The following KLHL2 variants were observed in gnomAD, a reference collection of about 807,000 sequenced individuals.
The protein encoded by KLHL2 is kelch like family member 2, also known as kelch-like protein 2.
KLHL2 carries 15 observed loss-of-function variants against 75.8 expected under a neutral mutation model. That is an observed-to-expected ratio of 0.20 (90% CI 0.13 to 0.30). The LOEUF is 0.30. KLHL2 is among the 10% of genes least tolerant of loss of function. KLHL2 has a pLI of 1.00. For missense variants in KLHL2, 381 were observed against 741.0 expected (o/e 0.51, Z 5.64); for synonymous variants, 214 against 251.9 (o/e 0.85, Z 1.42).
At chr4:165,261,224 G>A (rs11733838) in intron 4 of KLHL2, among the ~76,000 whole-genome samples, 13,414 of 152,156 alleles carry the variant, frequency 0.088, 1,252 homozygotes, top group African/African-American at 0.24. Flanking sequence ...CCTGCAATTT[G>A]AAAATTATCA....
At chr4:165,210,894 G>T (rs1737156871) in intron 1 of KLHL2, among the ~76,000 whole-genome samples, 1 of 152,104 alleles carries the variant, frequency 6.6e-6, no homozygotes. Flanking sequence ...CTTGGCACTT[G>T]TTTTTTTACT....
chr4:165,313,826 G>T (rs1746396162), intron 12 of KLHL2, among the ~76,000 whole-genome samples, 200 bp from the exon 13 acceptor site: 1 of 151,980 alleles, frequency 6.6e-6, no homozygotes, highest in African/African-American at 2.4e-5. Context: ...TCTTTTTTCA[G>T]AATAATAGTT....
intron 5 of KLHL2, among the ~76,000 whole-genome samples, chr4:165,282,593 T>G (rs1220839507): frequency 6.6e-6 from 1 of 152,116 alleles, no homozygotes; most frequent in Non-Finnish European, 1.5e-5. Context: ...AGGGTGATGA[T>G]GAAGACCCCA....
intron 3 of KLHL2, among the ~76,000 whole-genome samples, chr4:165,236,386 C>G (rs1210951456): frequency 6.6e-6 from 1 of 151,870 alleles, no homozygotes; most frequent in African/African-American, 2.4e-5. Flanking sequence ...AGTTTTTTTT[C>G]TGTTTGTTTT....
intron 3 of KLHL2, among the ~76,000 whole-genome samples, chr4:165,234,078 C>A (rs747476438): frequency 3.9e-5 from 6 of 152,214 alleles, no homozygotes; most frequent in Non-Finnish European, 7.3e-5. Context: ...AGCTAAGAAA[C>A]CTTTCTCAGA....
chr4:165,276,985 A>C (rs1269346415), intron 5 of KLHL2, among the ~76,000 whole-genome samples: 1 of 152,196 alleles, frequency 6.6e-6, no homozygotes, highest in Non-Finnish European at 1.5e-5. Flanking sequence ...TAAGAAATAT[A>C]GTTGAAGTCA....
intron 5 of KLHL2, among the ~76,000 whole-genome samples, chr4:165,263,608 G>GTT (rs199576096): frequency 2.0e-4 from 28 of 142,058 alleles, no homozygotes; most frequent in South Asian, 6.7e-4. Flanking sequence ...AGGTTTTTTT[G>GTT]TTTTTTTTTT....
intron 2 of KLHL2, among the ~76,000 whole-genome samples, chr4:165,226,723 T>A (rs1738466764): frequency 6.6e-6 from 1 of 152,072 alleles, no homozygotes; most frequent in Non-Finnish European, 1.5e-5. Context: ...ATATATTATG[T>A]CAAAAAATAA....
At position 165,263,505 on chromosome 4, in the gene KLHL2, A is replaced by G. The variant is rs900684267; in HGVS notation, c.544+146A>G. The G allele has an allele frequency of 8.4e-6, 9 of 1,077,044 alleles. No homozygotes were observed. The Admixed American group carries it at 8.7e-5, about 10-fold the overall frequency. The allele number at this position is 1,077,044 out of a possible 1,614,324, so 66.7% of individuals were successfully genotyped here. On this transcript the variant is annotated intron_variant, in intron 5 of 14. Transcript: ENST00000226725. ...TAAAATCTTATAATGGTCACACTGC[A>G]TAACTGAAGCATACTCATAAAATTC...
intron 4 of KLHL2, among the ~76,000 whole-genome samples, chr4:165,249,666 T>C (rs1740534415): frequency 6.6e-6 from 1 of 152,204 alleles, no homozygotes; most frequent in Admixed American, 6.5e-5. Flanking sequence ...TAGTTGTCTT[T>C]TTCTGTCCCC....
At chr4:165,302,403 A>G (rs1745416118) in intron 8 of KLHL2, among the ~76,000 whole-genome samples, 1 of 152,220 alleles carries the variant, frequency 6.6e-6, no homozygotes, top group Non-Finnish European at 1.5e-5. Flanking sequence ...AATGAGTCAA[A>G]TTGAACAAAA....
In KLHL2 at chr4:165,319,618, G is replaced by A. The variant is rs1298093904; in HGVS notation, c.1753+1649G>A. ...TGTGTTGAACATGCAGCTTTTATGT[G>A]GGTGCAGGATTTTTGTTTTTGAGAC... On this transcript the variant is annotated intron_variant, in intron 14 of 14. Transcript: ENST00000226725. This position sits in a 1 kb window ranked among gnomAD's most constrained non-coding sequence, Gnocchi z 4.5. 6.6e-6 allele frequency among the ~76,000 whole-genome samples: 1 copy of A among 151,940 alleles called. No individual in the cohort carries two copies. Among genetic ancestry groups the A allele is most frequent in the South Asian group, 2.1e-4 (1 of 4,822 alleles).
At chr4:165,309,730 A>T (rs1050508468) in intron 9 of KLHL2, among the ~76,000 whole-genome samples, 17 of 152,188 alleles carry the variant, frequency 1.1e-4, no homozygotes, top group African/African-American at 3.9e-4. Flanking sequence ...AAATATAAAA[A>T]CCATGCTTAG....
At chr4:165,261,191 G>A (rs1411570656) in intron 4 of KLHL2, among the ~76,000 whole-genome samples, 1 of 152,134 alleles carries the variant, frequency 6.6e-6, no homozygotes, top group African/African-American at 2.4e-5. Flanking sequence ...GCTTCAGAGC[G>A]CAATTACACT....
At chr4:165,255,936 G>A (rs1741131274) in intron 4 of KLHL2, among the ~76,000 whole-genome samples, 1 of 151,944 alleles carries the variant, frequency 6.6e-6, no homozygotes, top group South Asian at 2.1e-4. Flanking sequence ...TAATGGCTCA[G>A]GATTTAAAAG....
chr4:165,287,580 T>TA (rs55825009), intron 5 of KLHL2, among the ~76,000 whole-genome samples: 2 of 152,074 alleles, frequency 1.3e-5, no homozygotes, highest in Non-Finnish European at 2.9e-5. Flanking sequence ...TGCTTTTTTT[T>TA]ATAATAGTTG....
intron 5 of KLHL2, among the ~76,000 whole-genome samples, chr4:165,267,643 T>C (rs952754857): frequency 2.6e-5 from 4 of 152,200 alleles, no homozygotes; most frequent in African/African-American, 9.6e-5. Flanking sequence ...GAACCAGCCT[T>C]GCATCCCAGG....
intron 5 of KLHL2, among the ~76,000 whole-genome samples, chr4:165,290,198 A>G (rs539161451): frequency 6.6e-6 from 1 of 151,894 alleles, no homozygotes; most frequent in Admixed American, 6.6e-5. Flanking sequence ...GCAGGAGTAT[A>G]GTGGCACGAT....
intron 5 of KLHL2, among the ~76,000 whole-genome samples, chr4:165,264,607 C>T (rs796180006): frequency 9.2e-4 from 109 of 118,104 alleles, no homozygotes; most frequent in African/African-American, 3.8e-3. Flanking sequence ...TATATATATA[C>T]ACACACACAC....
Sources: allele counts gnomAD v4.1 joint callset (sites outside exome capture counted in the v4.1 genomes callset), GRCh38; gene constraint gnomAD v4.1.1; non-coding constraint Gnocchi (gnomAD v3.1); transcripts MANE v1.5; gene names NCBI Gene and HGNC (gene_info 2026-07-23, HGNC 2026-07-21).